The following ADAMTS12 variants were observed in gnomAD, a reference collection of about 807,000 sequenced individuals.
The protein encoded by ADAMTS12 is A disintegrin and metalloproteinase with thrombospondin motifs 12.
A neutral mutation model predicts 167.8 loss-of-function variants in ADAMTS12; 118 were observed. That is an observed-to-expected ratio of 0.70 (90% CI 0.61 to 0.82). ADAMTS12 has a LOEUF of 0.82. ADAMTS12 is among the 40% of genes least tolerant of loss of function. ADAMTS12 has a pLI of 0.00. For missense variants in ADAMTS12, 1,916 were observed against 1,998.8 expected (o/e 0.96, Z 0.79); for synonymous variants, 704 against 716.9 (o/e 0.98, Z 0.29).
intron 3 of ADAMTS12, among the ~76,000 whole-genome samples, chr5:33,717,119 GTTT>G (rs35812625): frequency 2.7e-5 from 4 of 148,358 alleles, no homozygotes; most frequent in South Asian, 2.2e-4. Context: ...GAAATTGTAG[GTTT>G]TTTTTTTTTT....
At chr5:33,828,774 C>T (rs1472120730) in intron 2 of ADAMTS12, among the ~76,000 whole-genome samples, 2 of 152,310 alleles carry the variant, frequency 1.3e-5, no homozygotes, top group East Asian at 1.9e-4. Flanking sequence ...GGGAAGCCAA[C>T]ATGATCCCAC....
At chr5:33,528,869 AC>A (rs1743957393) in intron 23 of ADAMTS12, among the ~76,000 whole-genome samples, 1 of 152,134 alleles carries the variant, frequency 6.6e-6, no homozygotes, top group African/African-American at 2.4e-5. Context: ...ACATGGTGAA[AC>A]CCCGTCTCTA....
At chr5:33,811,280 A>AG (rs1229604416) in intron 2 of ADAMTS12, among the ~76,000 whole-genome samples, 1 of 152,220 alleles carries the variant, frequency 6.6e-6, no homozygotes, top group Non-Finnish European at 1.5e-5. Flanking sequence ...GTCTGTATAA[A>AG]GGGGAAAAAC....
chr5:33,634,641 C>A (rs1294345160), intron 12 of ADAMTS12, among the ~76,000 whole-genome samples: 1 of 152,024 alleles, frequency 6.6e-6, no homozygotes, highest in Non-Finnish European at 1.5e-5. Flanking sequence ...GAGTTTGAAA[C>A]CTTTGGCTAG....
Position 33,707,206 on chromosome 5 carries a change from C to T in ADAMTS12, c.635-23151G>A, listed in dbSNP as rs183556023. Reference sequence around the variant, plus strand: ...ATGAGTGAACCCTCATTCGCAACTGCTACAAAGAAAATAAAATACCTAAGA... The same window carrying T: ...ATGAGTGAACCCTCATTCGCAACTGTTACAAAGAAAATAAAATACCTAAGA... On this transcript the variant is annotated intron_variant, in intron 3 of 23. Transcript: ENST00000504830. Among the ~76,000 whole-genome samples, 318 of 152,184 alleles carry T rather than the reference C, an allele frequency of 2.1e-3. 2 individuals carry two copies. The highest frequency in any genetic ancestry group is 7.3e-3 in the African/African-American group (303 of 41,546).
intron 3 of ADAMTS12, among the ~76,000 whole-genome samples, chr5:33,708,306 G>A (rs138461590): frequency 3.2e-4 from 49 of 152,272 alleles, no homozygotes; most frequent in East Asian, 2.9e-3. Context: ...AACAGACACC[G>A]GAGAGAATGT....
chr5:33,826,590 A>C (rs199630724), intron 2 of ADAMTS12, among the ~76,000 whole-genome samples: 2 of 30,318 alleles, frequency 6.6e-5, no homozygotes, highest in African/African-American at 1.6e-4. Flanking sequence ...GTGTGTGTAT[A>C]TATATATATA....
At position 33,576,928 on chromosome 5, in the gene ADAMTS12, G is replaced by A. The variant is rs148795653; in HGVS notation, c.3098C>T (p.Thr1033Ile). ...PPPTSRPRML[T>I]TPTGPESMST... ...CATAGACTCAGGCCCTGTGGGTGTG[G>A]TCAGCATTCTGGGCCTGGATGTAGG... The change falls in exon 19 of 24, where the codon ACC (threonine) becomes ATC (isoleucine). Residue 1033 changes from threonine to isoleucine, a missense_variant. Transcript: ENST00000504830. The A allele has an allele frequency of 3.7e-6, 6 of 1,614,050 alleles. No homozygotes were observed. The African/African-American group carries it at 4.0e-5, about 11-fold the overall frequency.
chr5:33,711,652 G>A (rs1431709510), intron 3 of ADAMTS12, among the ~76,000 whole-genome samples: 1 of 152,066 alleles, frequency 6.6e-6, no homozygotes, highest in Non-Finnish European at 1.5e-5. Flanking sequence ...TACAATCAAT[G>A]TTAATAAATG....
intron 5 of ADAMTS12, among the ~76,000 whole-genome samples, chr5:33,681,210 C>G (rs149498900): frequency 6.6e-6 from 1 of 151,972 alleles, no homozygotes; most frequent in African/African-American, 2.4e-5. Context: ...AAAGGGAGAC[C>G]GGGTTACAGG....
chr5:33,536,462 C>T (rs1306486596), intron 22 of ADAMTS12, among the ~76,000 whole-genome samples: 1 of 151,816 alleles, frequency 6.6e-6, no homozygotes, highest in Non-Finnish European at 1.5e-5. Flanking sequence ...CTCTTGTCTG[C>T]TGCCCCCATC....
At chr5:33,696,007 C>G in intron 3 of ADAMTS12, among the ~76,000 whole-genome samples, 1 of 152,070 alleles carries the variant, frequency 6.6e-6, no homozygotes, top group Non-Finnish European at 1.5e-5. Context: ...CATAGTGTCC[C>G]TAAAGAGACT....
chr5:33,704,331 G>A (rs926428926), intron 3 of ADAMTS12, among the ~76,000 whole-genome samples: 2 of 152,168 alleles, frequency 1.3e-5, no homozygotes, highest in African/African-American at 2.4e-5. Flanking sequence ...ATCTCTTGAA[G>A]ATCCAGGTTT....
chr5:33,881,625 G>C (rs1421115014), intron 1 of ADAMTS12, 145 bp from the exon 2 acceptor site: 1 of 1,184,280 alleles, frequency 8.4e-7, no homozygotes, highest in African/African-American at 1.6e-5. Flanking sequence ...GCAATGGCAC[G>C]ATCCGGGCTC....
rs746869142 is a variant in ADAMTS12 at position 33,881,451 on chromosome 5, G to T, written c.157C>A (p.His53Asn). Reference protein sequence around the residue: ...EHFIKGLPEYHVVGPVRVDAS... With the variant: ...EHFIKGLPEYNVVGPVRVDAS... The stretch of plus-strand genomic sequence containing the variant: ...TCTACTCGGACTGGACCCACCACGT[G>T]GTATTCTGGCAGGCCCTTGATAAAA... The change falls in exon 2 of 24, where the codon CAC (histidine) becomes AAC (asparagine). Residue 53 changes from histidine to asparagine, a missense_variant. Physicochemically the swap from His to Asn is moderately conservative, Grantham distance 68. Coordinates refer to ENST00000504830, the MANE Select transcript of ADAMTS12 (RefSeq NM_030955.4). The T allele has an allele frequency of 1.9e-6, 3 of 1,613,364 alleles. No homozygotes were observed. In the African/African-American group the frequency reaches 4.0e-5, roughly 22 times the overall value.
At chr5:33,735,073 A>G (rs1744323577) in intron 3 of ADAMTS12, among the ~76,000 whole-genome samples, 2 of 152,220 alleles carry the variant, frequency 1.3e-5, no homozygotes, top group Non-Finnish European at 1.5e-5. Context: ...ACTAATATAC[A>G]TTGGGCATTT....
chr5:33,604,628 C>G (rs1292274994), intron 16 of ADAMTS12, among the ~76,000 whole-genome samples: 2 of 146,772 alleles, frequency 1.4e-5, no homozygotes, highest in Admixed American at 6.8e-5. Context: ...AATTTCTAAT[C>G]AAGAGCTCAG....
At chr5:33,773,600 C>T (rs566433432) in intron 2 of ADAMTS12, among the ~76,000 whole-genome samples, 18 of 152,036 alleles carry the variant, frequency 1.2e-4, no homozygotes, top group Non-Finnish European at 2.4e-4. Context: ...CCCTGACTCC[C>T]AGAAGTAGCA....
intron 18 of ADAMTS12, among the ~76,000 whole-genome samples, chr5:33,587,835 A>C (rs1419801109): frequency 6.7e-6 from 1 of 150,010 alleles, no homozygotes; most frequent in East Asian, 1.9e-4. Flanking sequence ...TAATTTTTAA[A>C]AAACATGTAT....
Sources: gnomAD v4.1 joint callset for allele counts (sites outside exome capture counted in the v4.1 genomes callset) on GRCh38, gnomAD v4.1.1 for gene constraint, MANE v1.5 for transcripts, NCBI Gene and HGNC (gene_info 2026-07-23, HGNC 2026-07-21) for gene names.